ABL2: variants seen among roughly 807,000 people sequenced by gnomAD.
The protein encoded by ABL2 is tyrosine-protein kinase ABL2.
In ABL2, 49 loss-of-function variants were observed where a neutral mutation model predicts 107.7. That is an observed-to-expected ratio of 0.45 (90% CI 0.36 to 0.58). The LOEUF (loss-of-function observed/expected upper bound fraction) is 0.58. Ranked by LOEUF, ABL2 falls within the 20% of genes least tolerant of loss-of-function variation. ABL2 has a pLI of 0.00. For missense variants in ABL2, 1,245 were observed against 1,457.0 expected, an observed-to-expected ratio of 0.85 and a Z score of 2.37; for synonymous variants, 549 against 548.6, an observed-to-expected ratio of 1.00 and a Z score of -0.01.
At chr1:179,185,969 G>A (rs1660662216) in intron 1 of ABL2, among the ~76,000 whole-genome samples, 1 of 152,090 alleles carries the variant, frequency 6.6e-6, no homozygotes, top group African/African-American at 2.4e-5. Flanking sequence ...CAATGGGCCG[G>A]GCGCAGTGGC....
At chr1:179,195,989 G>A (rs1055240871) in intron 1 of ABL2, among the ~76,000 whole-genome samples, 1 of 152,170 alleles carries the variant, frequency 6.6e-6, no homozygotes, top group Non-Finnish European at 1.5e-5. Flanking sequence ...TGGTAGTGAT[G>A]GATGGTTACA....
chr1:179,187,336 T>C (rs1394796846), intron 1 of ABL2, among the ~76,000 whole-genome samples: 1 of 152,238 alleles, frequency 6.6e-6, no homozygotes, highest in Non-Finnish European at 1.5e-5. Context: ...AGCAACTTGG[T>C]TGCTTAAAGT....
At chr1:179,200,257 G>A (rs950368826) in intron 1 of ABL2, among the ~76,000 whole-genome samples, 1 of 150,676 alleles carries the variant, frequency 6.6e-6, no homozygotes, top group African/African-American at 2.4e-5. Context: ...ATGTTGGCCA[G>A]ACTGGTCTTG....
intron 1 of ABL2, among the ~76,000 whole-genome samples, chr1:179,161,348 C>T (rs1306179311): frequency 1.5e-5 from 2 of 134,844 alleles, no homozygotes; most frequent in Admixed American, 8.0e-5. Context: ...GGATACCCTA[C>T]CTCAAAAGAA....
intron 1 of ABL2, among the ~76,000 whole-genome samples, chr1:179,144,301 A>T (rs1657841916): frequency 6.6e-6 from 1 of 151,944 alleles, no homozygotes. Flanking sequence ...TCTACAAAAA[A>T]TACAAAAAAT....
In ABL2 at chr1:179,109,209, C is replaced by A. The variant is rs28913887; in HGVS notation, c.2058G>T (p.Thr686=). 622 of 1,613,976 alleles carry A rather than the reference C, an allele frequency of 3.9e-4. 4 individuals carry two copies. In the African/African-American group the frequency reaches 7.3e-3, roughly 19 times the overall value. ...ENQPHKKYEL[T]GNFSSVASLQ... ...GAGAAGCAACAGATGAGAAGTTACC[C>A]GTGAGTTCGTATTTCTTATGGGGCT... The change falls in exon 12 of 12, where the codon ACG becomes ACT. Residue 686 remains threonine (T), a synonymous_variant. Coordinates refer to ENST00000502732, the MANE Select transcript of ABL2 (RefSeq NM_007314.4).
intron 2 of ABL2, 150 bp downstream of exon 2, chr1:179,133,162 A>T: frequency 7.3e-7 from 1 of 1,367,824 alleles, no homozygotes; most frequent in South Asian, 1.5e-5. Flanking sequence ...CAGCCAGGCC[A>T]ACTTATTTTT....
chr1:179,103,845 C>T lies in ABL2; in HGVS notation c.*3873G>A, dbSNP rs1653299789. ...AGCCTTGGCTCCGCCACTAATTAAC[C>T]GTTCTGAGACAATAGGCAAGTAATT... is the stretch of plus-strand genomic sequence containing the variant. On this transcript the variant is annotated 3_prime_UTR_variant, in exon 12 of 12. Transcript: ENST00000502732. 8.7e-6 allele frequency: 2 copies of T among 230,578 alleles called. No individual in the cohort carries two copies. Among genetic ancestry groups the T allele is most frequent in the African/African-American group, 2.2e-5 (1 of 45,298 alleles). The allele number at this position is 230,578 out of a possible 1,614,324, so 14.3% of individuals were successfully genotyped here.
intron 1 of ABL2, among the ~76,000 whole-genome samples, chr1:179,228,839 T>C (rs1322838737): frequency 1.3e-5 from 2 of 152,136 alleles, no homozygotes; most frequent in African/African-American, 2.4e-5. Context: ...CCCAATCCCT[T>C]AGGATACAAC....
intron 7 of ABL2, among the ~76,000 whole-genome samples, 190 bp downstream of exon 7, chr1:179,118,397 C>T (rs1484078679): frequency 6.6e-6 from 1 of 151,948 alleles, no homozygotes; most frequent in African/African-American, 2.4e-5. Context: ...TAGCAAAGGC[C>T]CCTTATTAAT....
At chr1:179,169,896 A>C (rs146312034) in intron 1 of ABL2, among the ~76,000 whole-genome samples, 1 of 151,700 alleles carries the variant, frequency 6.6e-6, no homozygotes, top group Non-Finnish European at 1.5e-5. Flanking sequence ...GGGCAGAGTT[A>C]CATGTGCCTA....
In ABL2 at chr1:179,108,408, A is replaced by G. The variant is rs1470725879; in HGVS notation, c.2859T>C (p.Ser953=). ...ATAAGAGCTTGAATTTATTCCCCTG[A>G]GAGTCTGTGCCAATGAGCTGCACGT... ...PADVQLIGTD[S]QGNKFKLLSE... is the part of the protein sequence containing the mutation. The change falls in exon 12 of 12, where the codon TCT becomes TCC. Residue 953 remains serine (S), a synonymous_variant. Transcript: ENST00000502732. 12 of 1,614,116 alleles carry G rather than the reference A, an allele frequency of 7.4e-6. No individual in the cohort carries two copies. Among genetic ancestry groups the G allele is most frequent in the Non-Finnish European group, 1.0e-5 (12 of 1,180,052 alleles).
chr1:179,103,786 C>A lies in ABL2; in HGVS notation c.*3932G>T, dbSNP rs1305938313. The A allele has an allele frequency of 3.5e-5, 8 of 229,808 alleles. No individual in the cohort carries two copies. The highest frequency in any genetic ancestry group is 6.1e-5 in the Non-Finnish European group (7 of 115,654). The allele number at this position is 229,808 out of a possible 1,614,324, so 14.2% of individuals were successfully genotyped here. A position where few individuals can be genotyped will look rare whatever the true frequency, so the allele number is the denominator to read the frequency against. On this transcript the variant is annotated 3_prime_UTR_variant, in exon 12 of 12. Coordinates refer to ENST00000502732, the MANE Select transcript of ABL2 (RefSeq NM_007314.4). ...CATGGCAGCAGGTATGGTGGAAAGACCCCACAACCATAAAGTCAAGAGACT... is the reference window on the plus strand; with the variant it reads ...CATGGCAGCAGGTATGGTGGAAAGAACCCACAACCATAAAGTCAAGAGACT...
chr1:179,129,238 A>G (rs1656045953), intron 3 of ABL2, among the ~76,000 whole-genome samples: 1 of 152,336 alleles, frequency 6.6e-6, no homozygotes, highest in Middle Eastern at 3.4e-3. Flanking sequence ...TTTCTTTATC[A>G]ATGTTTCCTT....
At chr1:179,229,174 CCCA>C in intron 1 of ABL2, 64 bp downstream of exon 1, 1 of 310,148 alleles carries the variant, frequency 3.2e-6, no homozygotes, top group Non-Finnish European at 6.5e-6. Flanking sequence ...CCGTCCGCCA[CCCA>C]CCCCGCCCCG....
intron 3 of ABL2, among the ~76,000 whole-genome samples, chr1:179,130,194 G>A (rs571719364): frequency 1.8e-4 from 28 of 152,254 alleles, no homozygotes; most frequent in Admixed American, 1.1e-3. Context: ...CACCAGCCTC[G>A]GCTTCCCAAA....
At chr1:179,170,072 C>G (rs1557971602) in intron 1 of ABL2, among the ~76,000 whole-genome samples, 1 of 152,086 alleles carries the variant, frequency 6.6e-6, no homozygotes, top group East Asian at 1.9e-4. Context: ...TTATTTGGCT[C>G]ACAGTTCTAG....
chr1:179,226,673 A>G (rs1311354055), intron 1 of ABL2, among the ~76,000 whole-genome samples: 1 of 152,154 alleles, frequency 6.6e-6, no homozygotes, highest in African/African-American at 2.4e-5. Context: ...CATTTAGCTC[A>G]TACTATGTGC....
intron 1 of ABL2, among the ~76,000 whole-genome samples, chr1:179,182,066 G>A (rs2102800318): frequency 6.6e-6 from 1 of 151,078 alleles, no homozygotes; most frequent in South Asian, 2.1e-4. Flanking sequence ...AAAGTGCTGG[G>A]AATTACAGGC....
Sources: allele counts gnomAD v4.1 joint callset (sites outside exome capture counted in the v4.1 genomes callset), GRCh38; gene constraint gnomAD v4.1.1; transcripts MANE v1.5; gene names NCBI Gene and HGNC (gene_info 2026-07-23, HGNC 2026-07-21).